Variants in ABCB1 observed in about 807,000 individuals in gnomAD.
ABCB1 encodes the protein ATP-dependent translocase ABCB1.
A neutral mutation model predicts 142.0 loss-of-function variants in ABCB1; 69 were observed. That is an observed-to-expected ratio of 0.49 (90% CI 0.40 to 0.59). The LOEUF (loss-of-function observed/expected upper bound fraction) is 0.59, where lower values mean the gene tolerates loss of function less well. Ranked by LOEUF, ABCB1 falls within the 20% of genes least tolerant of loss-of-function variation. The pLI, the probability that ABCB1 is intolerant of heterozygous loss-of-function variation, is 0.00. For missense variants in ABCB1, 1,326 were observed against 1,554.7 expected (o/e 0.85, Z 2.47); for synonymous variants, 532 against 539.2 (o/e 0.99, Z 0.18).
In ABCB1 at chr7:87,647,310, T is replaced by C. The variant is rs201931703; in HGVS notation, c.-330-46232A>G. Among the ~76,000 whole-genome samples the C allele has an allele frequency of 2.0e-5, 3 of 152,212 alleles. No individual in the cohort carries two copies. In the East Asian group the frequency reaches 5.8e-4, roughly 29 times the overall value. On this transcript the variant is annotated intron_variant, in intron 1 of 28. Coordinates refer to the ABCB1 transcript ENST00000265724. ...TTTCCATTCTCTTTTGTTGTTGTTA[T>C]TGTCATTTTCTTTGTCTTTTTTATT...
chr7:87,526,380 C>T (rs1010595198), intron 21 of ABCB1, among the ~76,000 whole-genome samples: 49 of 151,962 alleles, frequency 3.2e-4, no homozygotes, highest in African/African-American at 1.1e-3. Context: ...TGTGATGAGC[C>T]TTAAAAATCC....
Position 87,580,134 on chromosome 7 carries a change from A to G in ABCB1, c.286+5378T>C, listed in dbSNP as rs960893788. The stretch of plus-strand genomic sequence containing the variant: ...TGTGTTTTTCTGAGTACTTATTATT[A>G]CCAGTGAGTTTTGTACCTTCAGATG... On this transcript the variant is annotated intron_variant, in intron 4 of 27. Transcript: ENST00000622132. Among the ~76,000 whole-genome samples, 3 of 152,128 alleles carry G rather than the reference A, an allele frequency of 2.0e-5. No individual in the cohort carries two copies. In the East Asian group the frequency reaches 5.8e-4, roughly 29 times the overall value.
Position 87,515,120 on chromosome 7 carries a change from G to T in ABCB1, c.3282+111C>A, listed in dbSNP as rs544537023. On this transcript the variant is annotated intron_variant, in intron 25 of 27. Transcript: ENST00000622132. Reference sequence around the variant, plus strand: ...TAGGCTCTCAGACTTTATCCAAGTGGGACTGTTGTTTAAAGGTTTGAAAAA... The same window carrying T: ...TAGGCTCTCAGACTTTATCCAAGTGTGACTGTTGTTTAAAGGTTTGAAAAA... 7.4e-6 allele frequency: 10 copies of T among 1,345,406 alleles called. No individual in the cohort carries two copies. The Admixed American group carries it at 1.4e-4, about 19-fold the overall frequency. 83.3% of individuals were successfully genotyped at this position (1,345,406 alleles called of 1,614,324 possible).
intron 25 of ABCB1, among the ~76,000 whole-genome samples, chr7:87,511,443 G>A (rs1318079218): frequency 2.6e-5 from 4 of 152,160 alleles, no homozygotes; most frequent in Non-Finnish European, 4.4e-5. Context: ...TTTCATTAGC[G>A]CAAAAATGTA....
chr7:87,552,605 A>T (rs1817123263), intron 9 of ABCB1, among the ~76,000 whole-genome samples: 1 of 151,850 alleles, frequency 6.6e-6, no homozygotes, highest in African/African-American at 2.4e-5. Context: ...AACAGAAAAC[A>T]TCTGTTATGA....
At chr7:87,558,660 T>G (rs1259033593) in intron 8 of ABCB1, among the ~76,000 whole-genome samples, 1 of 152,120 alleles carries the variant, frequency 6.6e-6, no homozygotes, top group Non-Finnish European at 1.5e-5. Flanking sequence ...GACAAAATAG[T>G]ATGTATTTAT....
In ABCB1 at chr7:87,518,097, C is replaced by A. The variant is rs1046381096; in HGVS notation, c.2927+1229G>T. On this transcript the variant is annotated intron_variant, in intron 23 of 27. Coordinates refer to ENST00000622132, the MANE Select transcript of ABCB1 (RefSeq NM_001348946.2). ...GGAACAGACATAATACTTGGGAACC[C>A]GCCCAGAATACAGGGAATTCATCGC... Among the ~76,000 whole-genome samples, 12 of 152,254 alleles carry A rather than the reference C, an allele frequency of 7.9e-5. No homozygotes were observed. The East Asian group carries it at 1.9e-3, about 24-fold the overall frequency.
At chr7:87,713,033 A>G (rs1267646424) in intron 1 of ABCB1, 1 of 152,254 alleles carries the variant, frequency 6.6e-6, no homozygotes, top group East Asian at 1.9e-4. Context: ...AATTTTTTTT[A>G]CTGAGATGAA....
intron 1 of ABCB1, among the ~76,000 whole-genome samples, chr7:87,649,778 G>C (rs1028619114): frequency 6.6e-6 from 1 of 152,186 alleles, no homozygotes; most frequent in Non-Finnish European, 1.5e-5. Context: ...GGACTCAGTG[G>C]TAGGTAATTG....
intron 1 of ABCB1, among the ~76,000 whole-genome samples, chr7:87,666,589 C>G (rs1014035172): frequency 8.6e-5 from 13 of 151,770 alleles, no homozygotes; most frequent in Admixed American, 7.9e-4. Context: ...ATGGTATTTC[C>G]TATGTAAACT....
chr7:87,553,511 G>A (rs955287241), intron 9 of ABCB1, among the ~76,000 whole-genome samples: 7 of 151,758 alleles, frequency 4.6e-5, no homozygotes, highest in African/African-American at 1.7e-4. Flanking sequence ...TTGTAGAGAC[G>A]GGGTTTCACC....
intron 1 of ABCB1, among the ~76,000 whole-genome samples, chr7:87,657,692 A>C (rs929607920): frequency 6.6e-5 from 10 of 152,238 alleles, no homozygotes; most frequent in African/African-American, 1.9e-4. Flanking sequence ...TGGGGTCAGA[A>C]GAGGCCTGTT....
At chr7:87,554,921 C>A (rs954490198) in intron 8 of ABCB1, among the ~76,000 whole-genome samples, 1 of 152,108 alleles carries the variant, frequency 6.6e-6, no homozygotes, top group African/African-American at 2.4e-5. Flanking sequence ...CAAAAATGAG[C>A]AAATGAAAAA....
chr7:87,546,148 A>G (rs546751048), intron 14 of ABCB1, 124 bp from the exon 15 acceptor site: 2 of 882,796 alleles, frequency 2.3e-6, no homozygotes, highest in Admixed American at 4.2e-5. Context: ...TATATAAGAT[A>G]GCCTCTGACT....
In ABCB1 at chr7:87,703,457, G is replaced by A. The variant is rs73706904; in HGVS notation, c.-331+9704C>T. Among the ~76,000 whole-genome samples, 1,200 of 152,228 alleles carry A rather than the reference G, an allele frequency of 7.9e-3. 22 individuals carry two copies. Among genetic ancestry groups the A allele is most frequent in the African/African-American group, 0.027 (1,136 of 41,556 alleles). ...ACTTTTGGATACAGTTAATAGCTAT[G>A]ATTTTTGTCACCTTTTTGAGACTAT... On this transcript the variant is annotated intron_variant, in intron 1 of 28. Transcript: ENST00000265724.
At chr7:87,539,139 C>A in intron 19 of ABCB1, 129 bp downstream of exon 19, 1 of 987,722 alleles carries the variant, frequency 1.0e-6, no homozygotes, top group South Asian at 1.4e-5. Context: ...GCATCTCTGA[C>A]GTGAGACTGA....
At chr7:87,626,198 A>ATTGTCATATATATCTGTCATATATG (rs11440100) in intron 1 of ABCB1, among the ~76,000 whole-genome samples, 2 of 12,960 alleles carry the variant, frequency 1.5e-4, no homozygotes, top group Admixed American at 9.3e-4. Context: ...TGTCATATAT[A>ATTGTCATATATATCTGTCATATATG]TGTCATATAT....
At chr7:87,694,092 G>T in intron 1 of ABCB1, 4 of 1,465,730 alleles carry the variant, frequency 2.7e-6, no homozygotes, top group African/African-American at 1.6e-5. Flanking sequence ...TCTTTTTTGT[G>T]TGTTTTTGTT....
chr7:87,588,171 A>AT (rs1818843048), intron 3 of ABCB1, among the ~76,000 whole-genome samples: 1 of 150,946 alleles, frequency 6.6e-6, no homozygotes, highest in African/African-American at 2.4e-5. Flanking sequence ...TTTTTTTATT[A>AT]TTTTTTATTT....
Sources: gnomAD v4.1 joint callset for allele counts (sites outside exome capture counted in the v4.1 genomes callset) on GRCh38, gnomAD v4.1.1 for gene constraint, MANE v1.5 for transcripts, NCBI Gene and HGNC (gene_info 2026-07-23, HGNC 2026-07-21) for gene names.